The following NXPH1 variants were observed in gnomAD, a reference collection of about 807,000 sequenced individuals.
The protein encoded by NXPH1 is neurexophilin 1, also known as neurexophilin-1.
Under a neutral mutation model 23.7 loss-of-function variants are expected in NXPH1, and 5 were observed. The observed-to-expected ratio is 0.21, with a 90% CI of 0.11 to 0.44. The LOEUF is 0.44. NXPH1 is among the 20% of genes least tolerant of loss of function. The pLI is 0.99. For synonymous variants in NXPH1, 144 were observed against 122.2 expected (o/e 1.18, Z -1.18); for missense variants, 324 against 321.6 (o/e 1.01, Z -0.06).
intron 2 of NXPH1, among the ~76,000 whole-genome samples, chr7:8,610,262 G>A (rs1401875523): frequency 6.6e-6 from 1 of 152,092 alleles, no homozygotes; most frequent in African/African-American, 2.4e-5. Context: ...GTTGATATAT[G>A]CAGAAAACCA....
intron 2 of NXPH1, among the ~76,000 whole-genome samples, chr7:8,659,374 T>C (rs1820633724): frequency 6.6e-6 from 1 of 152,212 alleles, no homozygotes; most frequent in Admixed American, 6.5e-5. Context: ...TTTAGCTTCT[T>C]TGCGATGTGT....
chr7:8,560,511 C>T (rs1246332767), intron 2 of NXPH1, among the ~76,000 whole-genome samples: 3 of 151,714 alleles, frequency 2.0e-5, no homozygotes, highest in African/African-American at 4.8e-5. Context: ...CTGTTACGCC[C>T]TCCAATGGTA....
intron 2 of NXPH1, among the ~76,000 whole-genome samples, chr7:8,543,828 T>C (rs1450523448): frequency 6.6e-6 from 1 of 151,694 alleles, no homozygotes; most frequent in Admixed American, 6.6e-5. Flanking sequence ...AAATAAATGA[T>C]TGCATACCAG....
chr7:8,745,652 A>G (rs1448577768), intron 2 of NXPH1, among the ~76,000 whole-genome samples: 3 of 151,674 alleles, frequency 2.0e-5, no homozygotes, highest in African/African-American at 7.3e-5. Context: ...TCCCTGATTC[A>G]AGCAATTCTC....
intron 2 of NXPH1, among the ~76,000 whole-genome samples, chr7:8,743,901 G>C (rs1286162835): frequency 6.6e-6 from 1 of 151,842 alleles, no homozygotes; most frequent in African/African-American, 2.4e-5. Context: ...AGCCAGGATG[G>C]TCTCTACCTC....
At chr7:8,569,263 A>C (rs1818603776) in intron 2 of NXPH1, among the ~76,000 whole-genome samples, 2 of 151,912 alleles carry the variant, frequency 1.3e-5, no homozygotes, top group Admixed American at 1.3e-4. Context: ...TGAGAAAATT[A>C]GAAAAGGGGG....
chr7:8,513,806 C>T (rs1234427620), intron 2 of NXPH1, among the ~76,000 whole-genome samples: 1 of 152,172 alleles, frequency 6.6e-6, no homozygotes. Context: ...TCCATGTATT[C>T]GTTTTCTAGG....
chr7:8,594,871 A>G (rs186384090), intron 2 of NXPH1, among the ~76,000 whole-genome samples: 131 of 152,126 alleles, frequency 8.6e-4, no homozygotes, highest in Non-Finnish European at 1.5e-3. Flanking sequence ...TTAGATTTTC[A>G]TGGGGAATAA....
intron 2 of NXPH1, among the ~76,000 whole-genome samples, chr7:8,498,357 A>G (rs1197965648): frequency 2.0e-5 from 3 of 152,054 alleles, no homozygotes; most frequent in Non-Finnish European, 2.9e-5. Context: ...AGTGGGAAAA[A>G]GTAGAGTTGA....
At chr7:8,512,748 A>G (rs1033718249) in intron 2 of NXPH1, among the ~76,000 whole-genome samples, 3 of 152,144 alleles carry the variant, frequency 2.0e-5, no homozygotes, top group Admixed American at 6.6e-5. Flanking sequence ...TTGTACCCAT[A>G]ATAAAGTGTT....
intron 2 of NXPH1, among the ~76,000 whole-genome samples, chr7:8,560,504 T>C (rs1818425907): frequency 6.6e-6 from 1 of 151,740 alleles, no homozygotes; most frequent in Non-Finnish European, 1.5e-5. Flanking sequence ...ATTATTACTG[T>C]TACGCCCTCC....
chr7:8,473,662 T>G (rs1038572007), intron 2 of NXPH1, among the ~76,000 whole-genome samples: 3 of 152,148 alleles, frequency 2.0e-5, no homozygotes, highest in East Asian at 1.9e-4. Flanking sequence ...AAGCTTATAT[T>G]ATCATTTGCT....
chr7:8,642,782 T>C (rs1583211233), intron 2 of NXPH1, among the ~76,000 whole-genome samples: 1 of 152,204 alleles, frequency 6.6e-6, no homozygotes, highest in Non-Finnish European at 1.5e-5. Context: ...ACAGCAGATA[T>C]TCTTTCACTT....
At chr7:8,674,162 G>GACACACACAC (rs35790323) in intron 2 of NXPH1, among the ~76,000 whole-genome samples, 2 of 86,104 alleles carry the variant, frequency 2.3e-5, no homozygotes, top group African/African-American at 5.8e-5. Context: ...CAAACATATA[G>GACACACACAC]ACACACACAC....
In NXPH1 at chr7:8,669,497, C is replaced by T. The variant is rs533550304; in HGVS notation, c.55-81511C>T. Among the ~76,000 whole-genome samples, 212 of 152,282 alleles carry T rather than the reference C, an allele frequency of 1.4e-3. No homozygotes were observed. In the Middle Eastern group the frequency reaches 0.02, roughly 15 times the overall value. ...TGTAGGAACTCAACTGGTTTTGGCA[C>T]TAGCTTGGAGGTTCAGTCTGAGGGT... On this transcript the variant is annotated intron_variant, in intron 2 of 2. Transcript: ENST00000405863.
chr7:8,534,933 A>G lies in NXPH1; in HGVS notation c.54+99166A>G, dbSNP rs141758722. Among the ~76,000 whole-genome samples, 272 of 152,276 alleles carry G rather than the reference A, an allele frequency of 1.8e-3. 1 individual carries two copies. The highest frequency in any genetic ancestry group is 6.0e-3 in the African/African-American group (248 of 41,586). ...GCATTTGTCATCATGGCACAAATGT[A>G]TCTGAATGAAACATGAAAGAAAATA... On this transcript the variant is annotated intron_variant, in intron 2 of 2. Transcript: ENST00000405863.
rs1779957017 is a variant in NXPH1, at chr7:8,720,699, A to C, written c.55-30309A>C. ...CTGTAAAATTATATTAAACAGGCTA[A>C]ATGACTTACTAGGCGATGATTTTGC... On this transcript the variant is annotated intron_variant, in intron 2 of 2. Transcript: ENST00000405863. Among the ~76,000 whole-genome samples the C allele has an allele frequency of 2.0e-5, 3 of 152,338 alleles. No homozygotes were observed. The South Asian group carries it at 6.2e-4, about 32-fold the overall frequency.
chr7:8,677,656 A>AAGAC (rs1441319020), intron 2 of NXPH1, among the ~76,000 whole-genome samples: 3 of 152,124 alleles, frequency 2.0e-5, no homozygotes, highest in Non-Finnish European at 4.4e-5. Context: ...GAAAGAAAGA[A>AAGAC]ACCTTCCTCT....
At chr7:8,446,909 CTTTTT>C (rs34187217) in intron 2 of NXPH1, among the ~76,000 whole-genome samples, 1 of 148,538 alleles carries the variant, frequency 6.7e-6, no homozygotes, top group Admixed American at 6.7e-5. Context: ...TAGTAATATT[CTTTTT>C]TTTTTTTCTT....
Sources: allele counts gnomAD v4.1 joint callset (sites outside exome capture counted in the v4.1 genomes callset), GRCh38; gene constraint gnomAD v4.1.1; transcripts MANE v1.5; gene names NCBI Gene and HGNC (gene_info 2026-07-23, HGNC 2026-07-21).